The following SLCO3A1 variants were observed in gnomAD, a reference collection of about 807,000 sequenced individuals.
SLCO3A1 encodes solute carrier organic anion transporter family member 3A1, also known as PGE1 transporter.
A neutral mutation model predicts 63.1 loss-of-function variants in SLCO3A1; 27 were observed. The observed-to-expected ratio is 0.43, with a 90% CI of 0.32 to 0.59. The LOEUF is 0.59. Among genes scored for constraint, SLCO3A1 ranks in the 20% least tolerant of loss-of-function variants. The pLI is 0.09. For synonymous variants in SLCO3A1, 473 were observed against 409.9 expected (o/e 1.15, Z -1.86); for missense variants, 773 against 945.8 (o/e 0.82, Z 2.40).
At chr15:92,015,828 A>G (rs567814292) in intron 2 of SLCO3A1, among the ~76,000 whole-genome samples, 3 of 152,292 alleles carry the variant, frequency 2.0e-5, no homozygotes, top group Admixed American at 1.3e-4. Context: ...GCCCGAGCTT[A>G]TAGGAACATG....
downstream of SLCO3A1, among the ~76,000 whole-genome samples, chr15:92,168,299 A>G (rs575972159): frequency 2.0e-4 from 31 of 152,342 alleles, no homozygotes; most frequent in Non-Finnish European, 4.3e-4. Context: ...AAGCAGGGTG[A>G]GAAGATGAGG....
At chr15:92,160,348 G>T (rs542704401) in intron 9 of SLCO3A1, among the ~76,000 whole-genome samples, 1 of 152,142 alleles carries the variant, frequency 6.6e-6, no homozygotes, top group East Asian at 1.9e-4. Context: ...TTATGCGGTT[G>T]CCATGGCAGT....
At chr15:92,053,204 A>G (rs1311410647) in intron 2 of SLCO3A1, among the ~76,000 whole-genome samples, 2 of 152,158 alleles carry the variant, frequency 1.3e-5, no homozygotes, top group Non-Finnish European at 2.9e-5. Context: ...CTGGGGTTAC[A>G]GTTTGATGGG....
In SLCO3A1 at chr15:92,120,564, C is replaced by T. The variant is rs1164438057; in HGVS notation, c.1109C>T (p.Ala370Val). 1 of 1,614,032 alleles carries T rather than the reference C, an allele frequency of 6.2e-7. No individual in the cohort carries two copies. The highest frequency in any genetic ancestry group is 1.1e-5 in the South Asian group (1 of 91,078). Reference protein sequence around the residue: ...MEIAVVAGFAAFLGKYLEQQF... With the variant: ...MEIAVVAGFAVFLGKYLEQQF... ...ATTGCAGTGGTGGCTGGCTTCGCTG[C>T]CTTTTTGGGGAAGTACCTGGAGCAG... Residue 370 changes from alanine to valine, a missense_variant, in exon 5 of 10, where the codon GCC (alanine) becomes GTC (valine). Around this residue, in one of 3 missense-constraint regions of SLCO3A1, gnomAD observed 565 missense variants for 749.8 expected, o/e 0.75. Coordinates refer to ENST00000318445, the MANE Select transcript of SLCO3A1 (RefSeq NM_013272.4).
At chr15:92,122,901 A>G (rs2047879815) in intron 5 of SLCO3A1, among the ~76,000 whole-genome samples, 1 of 152,200 alleles carries the variant, frequency 6.6e-6, no homozygotes, top group Non-Finnish European at 1.5e-5. Flanking sequence ...AAGAGCACAT[A>G]TTTAGATGAA....
intron 2 of SLCO3A1, among the ~76,000 whole-genome samples, chr15:92,080,385 A>G (rs1377819359): frequency 6.7e-6 from 1 of 149,862 alleles, no homozygotes; most frequent in Non-Finnish European, 1.5e-5. Flanking sequence ...AGCCCAATAC[A>G]TGGAGTTTTT....
intron 2 of SLCO3A1, among the ~76,000 whole-genome samples, chr15:91,920,931 A>G (rs1233344275): frequency 6.6e-6 from 1 of 152,140 alleles, no homozygotes; most frequent in Non-Finnish European, 1.5e-5. Context: ...ATTTCCTACC[A>G]TACTTCCTTC....
intron 2 of SLCO3A1, among the ~76,000 whole-genome samples, chr15:92,027,507 G>A (rs1260453233): frequency 6.6e-6 from 1 of 152,202 alleles, no homozygotes; most frequent in Non-Finnish European, 1.5e-5. Flanking sequence ...GCAGCAAAGA[G>A]GAGTCTCATC....
Position 92,163,233 on chromosome 15 carries a change from ACACACACAGGCACAGATG to A in SLCO3A1, c.*107_*124del. ...TCCAAAAAAAACCAAAACTCAGTAC[ACACACACAGGCACAGATG>A]CACACACACGCAGACAGACACACCG... On this transcript the variant is annotated 3_prime_UTR_variant, in exon 10 of 10. Transcript: ENST00000318445. 1 of 1,442,202 alleles carries A rather than the reference ACACACACAGGCACAGATG, an allele frequency of 6.9e-7. No individual in the cohort carries two copies. The highest frequency in any genetic ancestry group is 9.0e-7 in the Non-Finnish European group (1 of 1,106,624). 89.3% of individuals were successfully genotyped at this position (1,442,202 alleles called of 1,614,324 possible).
At chr15:92,156,688 T>G (rs2048375318) in intron 9 of SLCO3A1, among the ~76,000 whole-genome samples, 1 of 152,232 alleles carries the variant, frequency 6.6e-6, no homozygotes, top group Admixed American at 6.5e-5. Context: ...GAGAATACAC[T>G]TTTCAGCATC....
rs1297701461 is a variant in SLCO3A1 at position 91,863,479 on chromosome 15, C to T, written c.180+9391C>T. On this transcript the variant is annotated intron_variant, in intron 1 of 9. Transcript: ENST00000318445. The surrounding 1 kb of genome is among the most constrained non-coding windows in gnomAD (Gnocchi z 4.3). ...ACCATCCTTTGGCCGTTTCATTTCT[C>T]AGAGTGCTGCTGTGATAGCACTTGG... 6.6e-6 allele frequency among the ~76,000 whole-genome samples: 1 copy of T among 152,234 alleles called. No homozygotes were observed. The highest frequency in any genetic ancestry group is 2.4e-5 in the African/African-American group (1 of 41,446).
chr15:92,035,434 G>A (rs1333133878), intron 2 of SLCO3A1, among the ~76,000 whole-genome samples: 2 of 151,826 alleles, frequency 1.3e-5, no homozygotes, highest in African/African-American at 4.8e-5. Flanking sequence ...TAAACTCATG[G>A]AAATATGCAC....
At chr15:91,934,797 C>T (rs1015523237) in intron 2 of SLCO3A1, among the ~76,000 whole-genome samples, 2 of 152,232 alleles carry the variant, frequency 1.3e-5, no homozygotes, top group Middle Eastern at 3.4e-3. Flanking sequence ...AACTTCTTTT[C>T]GATGTTAAGC....
chr15:92,151,071 G>C, intron 9 of SLCO3A1, 57 bp downstream of exon 9: 1 of 1,136,614 alleles, frequency 8.8e-7, no homozygotes, highest in Non-Finnish European at 1.3e-6. Context: ...TACTAGGTGA[G>C]TAACTGTCAG....
At chr15:92,141,640 T>A (rs894656050) in intron 7 of SLCO3A1, among the ~76,000 whole-genome samples, 20 of 152,172 alleles carry the variant, frequency 1.3e-4, no homozygotes, top group Non-Finnish European at 1.8e-4. Context: ...CCTTTTCCCT[T>A]CACATCAAAG....
At chr15:91,890,502 C>G (rs1028027336) in intron 1 of SLCO3A1, among the ~76,000 whole-genome samples, 9 of 152,208 alleles carry the variant, frequency 5.9e-5, no homozygotes, top group Admixed American at 3.3e-4. Context: ...GCTCTATCCC[C>G]TATGCCTGGC....
At chr15:91,980,036 G>T (rs1020636624) in intron 2 of SLCO3A1, among the ~76,000 whole-genome samples, 2 of 152,190 alleles carry the variant, frequency 1.3e-5, no homozygotes, top group African/African-American at 4.8e-5. Context: ...TGGTGCATTA[G>T]AAATATTCCA....
At chr15:92,134,898 G>A (rs2048037735) in intron 7 of SLCO3A1, among the ~76,000 whole-genome samples, 2 of 152,160 alleles carry the variant, frequency 1.3e-5, no homozygotes. Flanking sequence ...GGGGTGGAAG[G>A]AGGGAGTGGG....
At chr15:92,111,157 G>A (rs2047724291) in intron 4 of SLCO3A1, among the ~76,000 whole-genome samples, 1 of 152,028 alleles carries the variant, frequency 6.6e-6, no homozygotes, top group Admixed American at 6.6e-5. Context: ...CTGTCCACAG[G>A]ACCCAGCTCA....
Sources: allele counts gnomAD v4.1 joint callset (sites outside exome capture counted in the v4.1 genomes callset), GRCh38; gene constraint gnomAD v4.1.1; regional missense constraint gnomAD v4.1.1; non-coding constraint Gnocchi (gnomAD v3.1); transcripts MANE v1.5; gene names NCBI Gene and HGNC (gene_info 2026-07-23, HGNC 2026-07-21).